Variants in GPHN observed in about 807,000 individuals in gnomAD.
The protein encoded by GPHN is gephyrin.
In GPHN, 17 loss-of-function variants were observed where a neutral mutation model predicts 95.5. The observed-to-expected ratio is 0.18, with a 90% CI of 0.12 to 0.27. The LOEUF is 0.27. GPHN is among the 10% of genes least tolerant of loss of function. The pLI, the probability that GPHN is intolerant of heterozygous loss-of-function variation, is 1.00. For synonymous variants in GPHN, 320 were observed against 322.5 expected, an observed-to-expected ratio of 0.99 and a Z score of 0.08; for missense variants, 660 against 978.1, an observed-to-expected ratio of 0.67 and a Z score of 4.34.
At chr14:67,485,654 C>CA in the GPHN span, among the ~76,000 whole-genome samples, 4 of 152,218 alleles carry the variant, frequency 2.6e-5, no homozygotes, top group Non-Finnish European at 2.9e-5. Context: ...CCTGCACAGA[C>CA]ATAACAGCCT....
chr14:67,092,262 C>G (rs1480598942), intron 12 of GPHN, among the ~76,000 whole-genome samples: 3 of 151,962 alleles, frequency 2.0e-5, no homozygotes, highest in Non-Finnish European at 4.4e-5. Flanking sequence ...ATTCATTAGC[C>G]TCTTTTCTGT....
chr14:66,851,206 A>C (rs2062567917), intron 4 of GPHN, among the ~76,000 whole-genome samples: 1 of 152,080 alleles, frequency 6.6e-6, no homozygotes, highest in African/African-American at 2.4e-5. Context: ...ATTTTCAAAA[A>C]CTGAACATAT....
chr14:66,956,371 A>C (rs2068505323), intron 8 of GPHN, among the ~76,000 whole-genome samples: 1 of 152,152 alleles, frequency 6.6e-6, no homozygotes, highest in Non-Finnish European at 1.5e-5. Context: ...TTATAGCAGC[A>C]TGATTTATAG....
the GPHN span, among the ~76,000 whole-genome samples, chr14:67,635,267 G>A: frequency 6.6e-6 from 1 of 152,118 alleles, no homozygotes; most frequent in Non-Finnish European, 1.5e-5. Context: ...GGTTCTTAAG[G>A]TTGTACAGTC....
the GPHN span, among the ~76,000 whole-genome samples, chr14:67,213,992 G>A: frequency 6.6e-5 from 10 of 152,208 alleles, no homozygotes; most frequent in Non-Finnish European, 8.8e-5. Flanking sequence ...CATGTCCTTC[G>A]CCCACTTTTT....
intron 17 of GPHN, among the ~76,000 whole-genome samples, chr14:67,135,544 G>A (rs1306621006): frequency 6.6e-6 from 1 of 152,124 alleles, no homozygotes; most frequent in Non-Finnish European, 1.5e-5. Context: ...TGGTATTGTA[G>A]GTAAGAAGTC....
In GPHN at chr14:67,002,309, CTTTTTTTTTTTT is replaced by C. The variant is rs1177817698; in HGVS notation, c.964-21311_964-21300del. The stretch of plus-strand genomic sequence containing the variant: ...TCATGTTTGGAAATTCTTTGTGTTG[CTTTTTTTTTTTT>C]TTTTTTTTTTTTGGATACCTAGAGT... On this transcript the variant is annotated intron_variant, in intron 9 of 22. Transcript: ENST00000478722. Among the ~76,000 whole-genome samples, 329 of 58,812 alleles carry C rather than the reference CTTTTTTTTTTTT, an allele frequency of 5.6e-3. 4 individuals are homozygous for C. Among genetic ancestry groups the C allele is most frequent in the African/African-American group, 0.021 (309 of 14,830 alleles). 38.6% of individuals were successfully genotyped at this position (58,812 alleles called of 152,430 possible). A position where few individuals can be genotyped will look rare whatever the true frequency, so the allele number is the denominator to read the frequency against.
intron 10 of GPHN, among the ~76,000 whole-genome samples, 189 bp from the exon 11 acceptor site, chr14:67,058,460 G>A (rs1029222146): frequency 2.0e-5 from 3 of 152,182 alleles, no homozygotes; most frequent in Admixed American, 1.3e-4. Flanking sequence ...GACACATGAT[G>A]TAACATTGCT....
At chr14:66,626,704 A>G (rs897255982) in intron 1 of GPHN, among the ~76,000 whole-genome samples, 2 of 152,104 alleles carry the variant, frequency 1.3e-5, no homozygotes, top group Non-Finnish European at 2.9e-5. Context: ...TTGCCTTTCT[A>G]TGAATGCCAT....
chr14:67,572,141 C>T, the GPHN span: 1 of 1,606,532 alleles, frequency 6.2e-7, no homozygotes, highest in African/African-American at 1.3e-5. Context: ...CAAGGCGTCT[C>T]CATGTCCTCA....
At chr14:66,854,554 G>A (rs1401969368) in intron 4 of GPHN, among the ~76,000 whole-genome samples, 1 of 152,136 alleles carries the variant, frequency 6.6e-6, no homozygotes, top group African/African-American at 2.4e-5. Context: ...ATTGAAAATA[G>A]TATATTATTT....
chr14:67,517,042 T>G, the GPHN span, among the ~76,000 whole-genome samples: 1 of 152,182 alleles, frequency 6.6e-6, no homozygotes, highest in African/African-American at 2.4e-5. Flanking sequence ...AACTTGTTTT[T>G]TTGCTGGAGA....
chr14:66,906,334 T>A (rs2065378920), intron 5 of GPHN, among the ~76,000 whole-genome samples: 1 of 152,160 alleles, frequency 6.6e-6, no homozygotes, highest in South Asian at 2.1e-4. Flanking sequence ...CAGACACTTG[T>A]GATGCTTCCC....
chr14:67,656,016 C>G, the GPHN span, among the ~76,000 whole-genome samples: 681 of 152,208 alleles, frequency 4.5e-3, 4 homozygotes, highest in African/African-American at 0.016. Context: ...GAGGCCGGAG[C>G]AGGTGGATCA....
chr14:67,692,519 C>T, the GPHN span: 1 of 1,613,582 alleles, frequency 6.2e-7, no homozygotes, highest in Non-Finnish European at 8.5e-7. Flanking sequence ...TGCTGGTTCC[C>T]TGTCGTGGTC....
intron 1 of GPHN, among the ~76,000 whole-genome samples, chr14:66,561,349 C>T (rs1026093606): frequency 3.3e-5 from 5 of 152,082 alleles, no homozygotes; most frequent in African/African-American, 9.7e-5. Flanking sequence ...TGGTAGAATT[C>T]GGCTGAATCC....
At chr14:66,840,502 G>T (rs1166662814) in intron 4 of GPHN, among the ~76,000 whole-genome samples, 1 of 151,996 alleles carries the variant, frequency 6.6e-6, no homozygotes, top group African/African-American at 2.4e-5. Context: ...AAATTTTTTA[G>T]ATTTTGTAGG....
At chr14:67,100,070 C>G (rs2077611480) in intron 12 of GPHN, among the ~76,000 whole-genome samples, 1 of 151,248 alleles carries the variant, frequency 6.6e-6, no homozygotes, top group South Asian at 2.1e-4. Flanking sequence ...TTTTTTATCC[C>G]AATTATGGAA....
chr14:67,426,584 G>GT, the GPHN span, among the ~76,000 whole-genome samples: 66 of 151,914 alleles, frequency 4.3e-4, no homozygotes, highest in South Asian at 3.1e-3. Context: ...GTTTTGTTTT[G>GT]TTTTTTTTGA....
Sources: gnomAD v4.1 joint callset for allele counts (sites outside exome capture counted in the v4.1 genomes callset) on GRCh38, gnomAD v4.1.1 for gene constraint, MANE v1.5 for transcripts, NCBI Gene and HGNC (gene_info 2026-07-23, HGNC 2026-07-21) for gene names.